GABRB3: variants seen among roughly 807,000 people sequenced by gnomAD.
The protein encoded by GABRB3 is gamma-aminobutyric acid type A receptor subunit beta3.
GABRB3 carries 14 observed loss-of-function variants against 52.1 expected under a neutral mutation model. The ratio of observed to expected loss-of-function variants is 0.27; its 90% CI spans 0.18 to 0.42. GABRB3 has a LOEUF of 0.42. GABRB3 is among the 10% of genes least tolerant of loss of function. GABRB3 has a pLI of 1.00. For synonymous variants in GABRB3, 260 were observed against 232.3 expected, an observed-to-expected ratio of 1.12 and a Z score of -1.08; for missense variants, 307 against 609.1, an observed-to-expected ratio of 0.50 and a Z score of 5.22.
Position 26,716,828 on chromosome 15 carries a change from GAGGACCTCCACCCAACC to G in GABRB3, c.240+55557_240+55573del, listed in dbSNP as rs1440857788. On this transcript the variant is annotated intron_variant, in intron 3 of 8. Coordinates refer to ENST00000311550, the MANE Select transcript of GABRB3 (RefSeq NM_000814.6). The stretch of plus-strand genomic sequence containing the variant: ...CTCCACCCAACCACAGCCCAGCTCT[GAGGACCTCCACCCAACC>G]ACAGCCCAGCTCTGAGGACCTCCAC... 7.9e-6 allele frequency: 9 copies of G among 1,144,546 alleles called. 1 individual carries two copies. The African/African-American group carries it at 9.0e-5, about 11-fold the overall frequency. 70.9% of individuals were successfully genotyped at this position (1,144,546 alleles called of 1,614,324 possible). A position where few individuals can be genotyped will look rare whatever the true frequency, so the allele number is the denominator to read the frequency against.
At chr15:26,689,910 G>A (rs1177984045) in intron 3 of GABRB3, among the ~76,000 whole-genome samples, 3 of 152,118 alleles carry the variant, frequency 2.0e-5, no homozygotes, top group Non-Finnish European at 4.4e-5. Flanking sequence ...CCATGGCTAG[G>A]AAAGTTTTCA....
intron 3 of GABRB3, among the ~76,000 whole-genome samples, chr15:26,735,930 G>A (rs1343914465): frequency 4.0e-5 from 6 of 151,346 alleles, no homozygotes; most frequent in Non-Finnish European, 7.4e-5. Flanking sequence ...ACTCCAGCCT[G>A]GGCAACAGAG....
intron 3 of GABRB3, among the ~76,000 whole-genome samples, chr15:26,689,147 C>A (rs1216853677): frequency 1.3e-5 from 2 of 152,160 alleles, no homozygotes; most frequent in Non-Finnish European, 2.9e-5. Flanking sequence ...TCCCAGGTCC[C>A]CCAGTGCCCC....
intron 3 of GABRB3, among the ~76,000 whole-genome samples, chr15:26,686,366 A>C (rs764755095): frequency 9.2e-5 from 14 of 152,214 alleles, no homozygotes; most frequent in South Asian, 6.2e-4. Flanking sequence ...ATGTCACTGA[A>C]GTTTTCAGGG....
chr15:26,635,686 T>C (rs1893039010), intron 3 of GABRB3, among the ~76,000 whole-genome samples: 1 of 152,318 alleles, frequency 6.6e-6, no homozygotes, highest in South Asian at 2.1e-4. Context: ...ACCGCTCCCA[T>C]ACCCTTACAC....
At chr15:26,573,410 T>A (rs939413849) in intron 6 of GABRB3, among the ~76,000 whole-genome samples, 5 of 152,052 alleles carry the variant, frequency 3.3e-5, no homozygotes, top group Non-Finnish European at 5.9e-5. Context: ...ATTGGGGTTT[T>A]AAAAAAAATT....
At chr15:26,649,326 C>G (rs1036870559) in intron 3 of GABRB3, among the ~76,000 whole-genome samples, 1 of 152,070 alleles carries the variant, frequency 6.6e-6, no homozygotes, top group African/African-American at 2.4e-5. Context: ...CACAGCATTC[C>G]TCTCTCTCTT....
At chr15:26,685,531 A>C (rs1476764328) in intron 3 of GABRB3, among the ~76,000 whole-genome samples, 1 of 152,218 alleles carries the variant, frequency 6.6e-6, no homozygotes, top group Non-Finnish European at 1.5e-5. Flanking sequence ...ATATACGAGT[A>C]CAAAAAAATA....
At chr15:26,576,964 G>A (rs1278289070) in intron 6 of GABRB3, among the ~76,000 whole-genome samples, 1 of 152,160 alleles carries the variant, frequency 6.6e-6, no homozygotes, top group African/African-American at 2.4e-5. Flanking sequence ...CTGTCTAGTA[G>A]AAGCAAGCAT....
At chr15:26,587,201 C>T (rs919224404) in intron 4 of GABRB3, among the ~76,000 whole-genome samples, 9 of 152,156 alleles carry the variant, frequency 5.9e-5, no homozygotes, top group African/African-American at 2.2e-4. Flanking sequence ...TAAATCTATA[C>T]AATTATACAC....
Position 26,772,890 on chromosome 15 carries a change from C to A in GABRB3, c.73G>T (p.Ala25Ser), listed in dbSNP as rs1448726231. The change falls in exon 1 of 9, where the codon GCC becomes TCC. Residue 25 changes from alanine (A) to serine (S), a missense_variant. Transcript: ENST00000311550. ...APVLVAVVCC[A>S]QSVNDPGNMS... ...GCCCACCCGCGACCCTACCTCTGGGCGCAGCACACCACAGCCACCAGCACC... is the reference window on the plus strand; with the variant it reads ...GCCCACCCGCGACCCTACCTCTGGGAGCAGCACACCACAGCCACCAGCACC... 4 of 1,489,918 alleles carry A rather than the reference C, an allele frequency of 2.7e-6. No individual in the cohort carries two copies. The highest frequency in any genetic ancestry group is 2.2e-4 in the Middle Eastern group (1 of 4,456). 92.3% of individuals were successfully genotyped at this position (1,489,918 alleles called of 1,614,324 possible).
At chr15:26,772,238 G>A in intron 3 of GABRB3, 164 bp downstream of exon 3, 2 of 576,908 alleles carry the variant, frequency 3.5e-6, no homozygotes, top group African/African-American at 2.0e-5. Context: ...CGGGTGCAGG[G>A]AGCCGGGCAA....
chr15:26,619,635 T>TTA (rs1163238312), intron 4 of GABRB3, among the ~76,000 whole-genome samples: 1 of 151,538 alleles, frequency 6.6e-6, no homozygotes, highest in African/African-American at 2.4e-5. Flanking sequence ...AACCTGCACA[T>TTA]TATGCACATG....
At chr15:26,622,054 G>A (rs1892503879) in intron 3 of GABRB3, among the ~76,000 whole-genome samples, 1 of 152,118 alleles carries the variant, frequency 6.6e-6, no homozygotes, top group Non-Finnish European at 1.5e-5. Context: ...GACTGTGGGA[G>A]GTCTCCATGC....
At chr15:26,732,119 C>T (rs1047267072) in intron 3 of GABRB3, among the ~76,000 whole-genome samples, 1 of 149,030 alleles carries the variant, frequency 6.7e-6, no homozygotes, top group Non-Finnish European at 1.5e-5. Context: ...GATGGATGGA[C>T]AGACAGATGG....
intron 8 of GABRB3, among the ~76,000 whole-genome samples, chr15:26,558,474 G>C (rs1889839736): frequency 2.0e-5 from 3 of 152,262 alleles, no homozygotes; most frequent in Admixed American, 6.5e-5. Context: ...ACCTCCATAG[G>C]CTTGAGAAAT....
At chr15:26,652,594 A>G (rs1379377646) in intron 3 of GABRB3, among the ~76,000 whole-genome samples, 8 of 152,102 alleles carry the variant, frequency 5.3e-5, no homozygotes, top group African/African-American at 1.7e-4. Flanking sequence ...ATATAAATAT[A>G]TATGTAGAAG....
intron 3 of GABRB3, among the ~76,000 whole-genome samples, chr15:26,681,291 C>A (rs1464442922): frequency 1.3e-5 from 2 of 152,172 alleles, no homozygotes; most frequent in Non-Finnish European, 2.9e-5. Flanking sequence ...GGGAGAAAAT[C>A]AATGCAAGTT....
chr15:26,618,179 C>T (rs1362533537), intron 4 of GABRB3, among the ~76,000 whole-genome samples: 65 of 152,042 alleles, frequency 4.3e-4, no homozygotes, highest in African/African-American at 1.2e-3. Flanking sequence ...AAAGTTCATA[C>T]GGAACCAAAA....
Sources: gnomAD v4.1 joint callset for allele counts (sites outside exome capture counted in the v4.1 genomes callset) on GRCh38, gnomAD v4.1.1 for gene constraint, MANE v1.5 for transcripts, NCBI Gene and HGNC (gene_info 2026-07-23, HGNC 2026-07-21) for gene names.